ROBO2: variants seen among roughly 807,000 people sequenced by gnomAD.
The protein encoded by ROBO2 is roundabout homolog 2.
ROBO2 carries 53 observed loss-of-function variants against 160.8 expected under a neutral mutation model. The observed-to-expected ratio is 0.33, with a 90% CI of 0.26 to 0.41. The LOEUF (loss-of-function observed/expected upper bound fraction) is 0.41, where lower values mean the gene tolerates loss of function less well. Ranked by LOEUF, ROBO2 falls within the 10% of genes least tolerant of loss-of-function variation. The pLI, the probability that ROBO2 is intolerant of heterozygous loss-of-function variation, is 1.00. For synonymous variants in ROBO2, 664 were observed against 611.7 expected, an observed-to-expected ratio of 1.09 and a Z score of -1.26; for missense variants, 1,577 against 1,722.4, an observed-to-expected ratio of 0.92 and a Z score of 1.49.
intron 2 of ROBO2, among the ~76,000 whole-genome samples, chr3:77,182,246 G>C (rs1009208700): frequency 5.9e-5 from 9 of 152,040 alleles, no homozygotes; most frequent in Admixed American, 2.6e-4. Context: ...ATTTATGGTG[G>C]TGGAAAAAGC....
intron 4 of ROBO2, among the ~76,000 whole-genome samples, chr3:77,487,339 C>T (rs1253352988): frequency 6.6e-6 from 1 of 152,116 alleles, no homozygotes; most frequent in Non-Finnish European, 1.5e-5. Flanking sequence ...CCTGCTCTCA[C>T]CTGGACTCTT....
At chr3:76,861,513 TC>T (rs1442938080) in intron 2 of ROBO2, among the ~76,000 whole-genome samples, 1 of 152,146 alleles carries the variant, frequency 6.6e-6, no homozygotes, top group Non-Finnish European at 1.5e-5. Flanking sequence ...AAATGGGTGC[TC>T]CCTAGAGTTC....
chr3:77,200,319 A>ATT (rs1460313061), intron 2 of ROBO2, among the ~76,000 whole-genome samples: 8 of 61,562 alleles, frequency 1.3e-4, no homozygotes, highest in South Asian at 1.2e-3. Context: ...ATATATATAT[A>ATT]TATTTTAGTT....
intron 2 of ROBO2, among the ~76,000 whole-genome samples, chr3:76,087,078 GAAGA>G (rs919003809): frequency 6.6e-6 from 1 of 151,750 alleles, no homozygotes; most frequent in African/African-American, 2.4e-5. Context: ...AATACAAGAA[GAAGA>G]AAGAAAGAAG....
intron 2 of ROBO2, among the ~76,000 whole-genome samples, chr3:76,760,560 T>C (rs1238834375): frequency 6.6e-6 from 1 of 151,672 alleles, no homozygotes; most frequent in Non-Finnish European, 1.5e-5. Context: ...GGTAGAGAGA[T>C]CCCCAACCAG....
chr3:76,420,708 G>T (rs1233608089), intron 2 of ROBO2, among the ~76,000 whole-genome samples: 2 of 152,076 alleles, frequency 1.3e-5, no homozygotes, highest in Non-Finnish European at 2.9e-5. Context: ...TCAAGCAATT[G>T]TATTTTTCCC....
intron 2 of ROBO2, among the ~76,000 whole-genome samples, chr3:76,898,070 T>A (rs1028651316): frequency 1.3e-5 from 2 of 152,072 alleles, no homozygotes; most frequent in African/African-American, 4.8e-5. Context: ...GTGCATTGTC[T>A]CTCATAAGGG....
chr3:76,409,758 T>A (rs1261302128), intron 2 of ROBO2, among the ~76,000 whole-genome samples: 1 of 152,102 alleles, frequency 6.6e-6, no homozygotes, highest in African/African-American at 2.4e-5. Flanking sequence ...GAAGTAGGAC[T>A]GTATCAAAAC....
At position 76,179,079 on chromosome 3, in the gene ROBO2, G is replaced by A. The variant is rs555568824; in HGVS notation, c.109+241477G>A. Reference sequence around the variant, plus strand: ...ATTATTTGCACTATAAGTATTTGACGCCAAATATTTCCTAAAATAACTTAG... The same window carrying A: ...ATTATTTGCACTATAAGTATTTGACACCAAATATTTCCTAAAATAACTTAG... On this transcript the variant is annotated intron_variant, in intron 2 of 26. Transcript: ENST00000487694. Among the ~76,000 whole-genome samples, 3 of 152,034 alleles carry A rather than the reference G, an allele frequency of 2.0e-5. No individual in the cohort carries two copies. In the South Asian group the frequency reaches 6.2e-4, roughly 32 times the overall value.
At chr3:77,632,561 GCTC>G in intron 23 of ROBO2, 1 of 1,535,828 alleles carries the variant, frequency 6.5e-7, no homozygotes, top group Non-Finnish European at 8.7e-7. Context: ...TCCTCAGATG[GCTC>G]TATCTTTGCC....
At chr3:76,157,312 G>T (rs1428805288) in intron 2 of ROBO2, among the ~76,000 whole-genome samples, 25 of 150,690 alleles carry the variant, frequency 1.7e-4, no homozygotes, top group Non-Finnish European at 3.5e-4. Context: ...CTTTTTTTTT[G>T]GGGTGGGGGC....
chr3:77,227,326 T>G (rs953784356), intron 2 of ROBO2, among the ~76,000 whole-genome samples: 2 of 152,140 alleles, frequency 1.3e-5, no homozygotes, highest in Non-Finnish European at 2.9e-5. Context: ...ATACAACTTT[T>G]TCATTTTGCC....
intron 2 of ROBO2, among the ~76,000 whole-genome samples, chr3:77,471,553 A>G (rs566844668): frequency 7.2e-5 from 11 of 152,344 alleles, no homozygotes; most frequent in Non-Finnish European, 1.6e-4. Context: ...GGCACCGTGC[A>G]TGATCAGAGA....
chr3:76,664,003 T>G (rs1250080628), intron 2 of ROBO2, among the ~76,000 whole-genome samples: 1 of 151,710 alleles, frequency 6.6e-6, no homozygotes, highest in Non-Finnish European at 1.5e-5. Context: ...CAAAAGGGTA[T>G]AAAAAGGGAG....
intron 2 of ROBO2, among the ~76,000 whole-genome samples, chr3:76,378,079 G>T (rs1365768770): frequency 1.3e-5 from 2 of 152,128 alleles, no homozygotes; most frequent in African/African-American, 2.4e-5. Flanking sequence ...AGTATAATAT[G>T]AGATGCCTTC....
chr3:77,116,953 C>A (rs866255313), intron 2 of ROBO2, among the ~76,000 whole-genome samples: 3 of 152,178 alleles, frequency 2.0e-5, no homozygotes, highest in Admixed American at 2.0e-4. Context: ...TTTTCTTCAA[C>A]AATAACATGC....
chr3:77,634,501 CTTT>C, intron 23 of ROBO2: 1 of 264,254 alleles, frequency 3.8e-6, no homozygotes, highest in Non-Finnish European at 7.5e-6. Flanking sequence ...TAAATAGCTT[CTTT>C]AATTTTAAGA....
chr3:76,808,887 A>T (rs2064949167), intron 2 of ROBO2, among the ~76,000 whole-genome samples: 1 of 152,054 alleles, frequency 6.6e-6, no homozygotes. Flanking sequence ...AAATATGGAA[A>T]TGATGGTACA....
chr3:77,446,346 A>G (rs1483627450), intron 2 of ROBO2, among the ~76,000 whole-genome samples: 2 of 152,036 alleles, frequency 1.3e-5, no homozygotes, highest in East Asian at 1.9e-4. Flanking sequence ...ATGTTTTGCA[A>G]TATGTATTTC....
Sources: allele counts gnomAD v4.1 joint callset (sites outside exome capture counted in the v4.1 genomes callset), GRCh38; gene constraint gnomAD v4.1.1; transcripts MANE v1.5; gene names NCBI Gene and HGNC (gene_info 2026-07-23, HGNC 2026-07-21).